The following WBP1L variants were observed in gnomAD, a reference collection of about 807,000 sequenced individuals.
WBP1L encodes WW domain binding protein 1 like.
WBP1L carries 17 observed loss-of-function variants against 33.7 expected under a neutral mutation model. That is an observed-to-expected ratio of 0.50 (90% CI 0.34 to 0.76). The LOEUF is 0.76. Among genes scored for constraint, WBP1L ranks in the 30% least tolerant of loss-of-function variants. WBP1L has a pLI of 0.01. For synonymous variants in WBP1L, 173 were observed against 190.8 expected (o/e 0.91, Z 0.77); for missense variants, 389 against 469.4 (o/e 0.83, Z 1.58).
Position 102,748,032 on chromosome 10 carries a change from G to A in WBP1L, c.90+3889G>A, listed in dbSNP as rs555507938. 1.0e-3 allele frequency among the ~76,000 whole-genome samples: 156 copies of A among 151,992 alleles called. 1 individual carries two copies. Among genetic ancestry groups the A allele is most frequent in the South Asian group, 1.9e-3 (9 of 4,816 alleles). ...AGCACTTTGGGAGGCCGAGGCAGGC[G>A]GATCACGAGATCAGGAGATTGAGAC... On this transcript the variant is annotated intron_variant, in intron 1 of 3. Coordinates refer to ENST00000448841, the MANE Select transcript of WBP1L (RefSeq NM_001083913.2).
intron 1 of WBP1L, 65 bp from the exon 2 acceptor site, chr10:102,797,928 T>C (rs1302242968): frequency 5.8e-6 from 8 of 1,388,832 alleles, no homozygotes; most frequent in African/African-American, 1.4e-5. Context: ...AGGAGGACAA[T>C]GATGAGAAGG....
At chr10:102,745,568 G>A (rs1403588061) in intron 1 of WBP1L, among the ~76,000 whole-genome samples, 2 of 152,134 alleles carry the variant, frequency 1.3e-5, no homozygotes, top group African/African-American at 2.4e-5. Context: ...TGTGGTCTTT[G>A]TGCCTGGCTC....
At chr10:102,770,894 C>T (rs1159643347) in intron 1 of WBP1L, among the ~76,000 whole-genome samples, 1 of 152,206 alleles carries the variant, frequency 6.6e-6, no homozygotes, top group Non-Finnish European at 1.5e-5. Flanking sequence ...TAGCTGACGC[C>T]TGTGTGTTCA....
intron 1 of WBP1L, among the ~76,000 whole-genome samples, chr10:102,769,218 C>G (rs1843154432): frequency 6.6e-6 from 1 of 152,226 alleles, no homozygotes; most frequent in East Asian, 1.9e-4. Context: ...ATCCTGGCCT[C>G]AAGTGATCAT....
intron 1 of WBP1L, among the ~76,000 whole-genome samples, chr10:102,757,885 C>G (rs1317564442): frequency 2.1e-4 from 12 of 57,068 alleles, no homozygotes; most frequent in South Asian, 1.7e-3. Context: ...CTCCCCCCCC[C>G]CCTTTTTTTT....
intron 1 of WBP1L, among the ~76,000 whole-genome samples, chr10:102,755,697 T>G (rs1842966381): frequency 6.6e-6 from 1 of 151,770 alleles, no homozygotes; most frequent in African/African-American, 2.4e-5. Context: ...CCAGCCTACA[T>G]TCTTTTTAAA....
rs1397128158 is a variant in WBP1L, at chr10:102,744,150, G to T, written c.90+7G>T. The T allele has an allele frequency of 1.9e-6, 3 of 1,547,386 alleles. No homozygotes were observed. Among genetic ancestry groups the T allele is most frequent in the Non-Finnish European group, 1.7e-6 (2 of 1,144,888 alleles). On this transcript the variant is annotated splice_region_variant and intron_variant, in intron 1 of 3. Transcript: ENST00000448841. ...CAGGGCTGAACCCCCGCAGGTAAGG[G>T]GGAGGGGGCGTCTGGGCCATGTTGG...
intron 1 of WBP1L, among the ~76,000 whole-genome samples, chr10:102,759,323 G>A (rs1019922399): frequency 1.3e-5 from 2 of 152,042 alleles, no homozygotes; most frequent in Non-Finnish European, 2.9e-5. Flanking sequence ...TATACCTGCC[G>A]GTTATTCCTA....
At chr10:102,783,328 C>T (rs1301617584) in intron 1 of WBP1L, among the ~76,000 whole-genome samples, 2 of 152,168 alleles carry the variant, frequency 1.3e-5, no homozygotes, top group Non-Finnish European at 2.9e-5. Flanking sequence ...TTGCCTTAGG[C>T]TTTGAAGGAC....
chr10:102,783,825 T>C (rs1843371097), intron 1 of WBP1L, among the ~76,000 whole-genome samples: 1 of 152,192 alleles, frequency 6.6e-6, no homozygotes, highest in Non-Finnish European at 1.5e-5. Flanking sequence ...TGGAGAAACC[T>C]TGGGGTAGAA....
chr10:102,749,216 GAATTTTGAAACATATTT>G (rs573849457), intron 1 of WBP1L, among the ~76,000 whole-genome samples: 306 of 152,244 alleles, frequency 2.0e-3, no homozygotes, highest in African/African-American at 6.6e-3. Context: ...CTGAGGAACT[GAATTTTGAAACATATTT>G]AATTTTGAAA....
intron 1 of WBP1L, among the ~76,000 whole-genome samples, chr10:102,764,592 T>C (rs1321126482): frequency 6.6e-6 from 1 of 152,142 alleles, no homozygotes; most frequent in Admixed American, 6.5e-5. Flanking sequence ...CCCTCTCTGG[T>C]TTCACCACCT....
chr10:102,787,233 T>C (rs776272594), intron 1 of WBP1L, among the ~76,000 whole-genome samples: 4 of 152,208 alleles, frequency 2.6e-5, no homozygotes, highest in Non-Finnish European at 5.9e-5. Flanking sequence ...GGAATAATTG[T>C]CAGGTGTGGT....
chr10:102,792,581 T>G (rs1206039808), intron 1 of WBP1L, among the ~76,000 whole-genome samples: 1 of 147,780 alleles, frequency 6.8e-6, no homozygotes, highest in Non-Finnish European at 1.5e-5. Context: ...AGTTACTTTT[T>G]TTTTTCTTTT....
chr10:102,784,490 A>G (rs1352697592), intron 1 of WBP1L, among the ~76,000 whole-genome samples: 1 of 146,684 alleles, frequency 6.8e-6, no homozygotes, highest in Non-Finnish European at 1.5e-5. Flanking sequence ...CAGTGGCACA[A>G]TCTTGGCTCA....
Position 102,748,830 on chromosome 10 carries a change from G to C in WBP1L, c.90+4687G>C, listed in dbSNP as rs114600870. On this transcript the variant is annotated intron_variant, in intron 1 of 3. Coordinates refer to ENST00000448841, the MANE Select transcript of WBP1L (RefSeq NM_001083913.2). ...TTCTGCTAGGGCAAGAGGAAGATGG[G>C]GTGCTAAGAAGAACTTCATTAAGGA... 8.3e-3 allele frequency among the ~76,000 whole-genome samples: 1,266 copies of C among 152,318 alleles called. 10 individuals carry two copies. Among genetic ancestry groups the C allele is most frequent in the African/African-American group, 0.029 (1,199 of 41,574 alleles).
chr10:102,773,640 C>T (rs535193749), intron 1 of WBP1L, among the ~76,000 whole-genome samples: 119 of 151,992 alleles, frequency 7.8e-4, no homozygotes, highest in African/African-American at 2.6e-3. Flanking sequence ...GTAATCTTAA[C>T]ACTTTGAAAG....
intron 1 of WBP1L, among the ~76,000 whole-genome samples, chr10:102,767,710 A>G (rs975007538): frequency 1.1e-4 from 17 of 152,186 alleles, no homozygotes; most frequent in Non-Finnish European, 5.9e-5. Context: ...AACCTCTGCA[A>G]TAAAACAAAA....
At chr10:102,746,911 T>C (rs1027812941) in intron 1 of WBP1L, among the ~76,000 whole-genome samples, 1 of 152,230 alleles carries the variant, frequency 6.6e-6, no homozygotes, top group Non-Finnish European at 1.5e-5. Context: ...CAACTTGCTT[T>C]CCCTGTTACC....
Sources: allele counts gnomAD v4.1 joint callset (sites outside exome capture counted in the v4.1 genomes callset), GRCh38; gene constraint gnomAD v4.1.1; transcripts MANE v1.5; gene names NCBI Gene and HGNC (gene_info 2026-07-23, HGNC 2026-07-21).